The following SLC35F3 variants were observed in gnomAD, a reference collection of about 807,000 sequenced individuals.
SLC35F3 encodes putative thiamine transporter SLC35F3.
In SLC35F3, 25 loss-of-function variants were observed where a neutral mutation model predicts 49.9. The ratio of observed to expected loss-of-function variants is 0.50; its 90% CI spans 0.37 to 0.70. The LOEUF (loss-of-function observed/expected upper bound fraction) is 0.70, where lower values mean the gene tolerates loss of function less well. Ranked by LOEUF, SLC35F3 falls within the 30% of genes least tolerant of loss-of-function variation. The pLI is 0.00. For synonymous variants in SLC35F3, 275 were observed against 265.4 expected (o/e 1.04, Z -0.35); for missense variants, 525 against 639.8 (o/e 0.82, Z 1.94).
At chr1:234,113,574 T>A (rs7521767) in intron 2 of SLC35F3, among the ~76,000 whole-genome samples, 1 of 152,048 alleles carries the variant, frequency 6.6e-6, no homozygotes, top group African/African-American at 2.4e-5. Context: ...AAGATTTCGG[T>A]GACATGTAGG....
chr1:234,136,148 C>T (rs528766442), intron 2 of SLC35F3, among the ~76,000 whole-genome samples: 90 of 152,128 alleles, frequency 5.9e-4, no homozygotes, highest in Non-Finnish European at 1.1e-3. Context: ...TTAGCTTTTC[C>T]CCATAGCACC....
At chr1:234,209,001 T>C (rs1024981448) in intron 2 of SLC35F3, among the ~76,000 whole-genome samples, 6 of 152,154 alleles carry the variant, frequency 3.9e-5, no homozygotes, top group African/African-American at 1.4e-4. Context: ...GGAAGACCTG[T>C]TTAATGAGTA....
chr1:233,981,108 C>T (rs1464064081), intron 2 of SLC35F3, among the ~76,000 whole-genome samples: 1 of 152,146 alleles, frequency 6.6e-6, no homozygotes, highest in Non-Finnish European at 1.5e-5. Flanking sequence ...TTCAGTTTTC[C>T]CCGCTGGTAG....
At chr1:234,293,256 T>C (rs925019554) in intron 3 of SLC35F3, among the ~76,000 whole-genome samples, 2 of 152,186 alleles carry the variant, frequency 1.3e-5, no homozygotes, top group African/African-American at 4.8e-5. Flanking sequence ...AGATGGGAAC[T>C]AGGAAGGCCT....
chr1:234,211,891 C>T (rs1476655825), intron 2 of SLC35F3, among the ~76,000 whole-genome samples: 2 of 152,122 alleles, frequency 1.3e-5, no homozygotes, highest in Admixed American at 1.3e-4. Context: ...TATGGTTTGG[C>T]AGTGTCCCCA....
rs147125251 is a variant in SLC35F3 at position 234,216,369 on chromosome 1, G to A, written c.284-15048G>A. Among the ~76,000 whole-genome samples, 332 of 152,336 alleles carry A rather than the reference G, an allele frequency of 2.2e-3. 4 individuals carry two copies. The highest frequency in any genetic ancestry group is 0.021 in the South Asian group (99 of 4,828). On this transcript the variant is annotated intron_variant, in intron 2 of 7. Coordinates refer to ENST00000366618, the MANE Select transcript of SLC35F3 (RefSeq NM_173508.4). ...CTGCACTGGAAGTGGGGCAGGACGC[G>A]GATGGTGGGGCTACCTGAACTGGGT... is the stretch of plus-strand genomic sequence containing the variant.
chr1:234,198,240 A>G (rs2102933020), intron 2 of SLC35F3, among the ~76,000 whole-genome samples: 1 of 152,350 alleles, frequency 6.6e-6, no homozygotes, highest in East Asian at 1.9e-4. Context: ...TGGATTATGT[A>G]CAGTATTTCT....
At chr1:234,103,921 C>T (rs1465664018) in intron 2 of SLC35F3, among the ~76,000 whole-genome samples, 1 of 152,186 alleles carries the variant, frequency 6.6e-6, no homozygotes, top group Admixed American at 6.5e-5. Flanking sequence ...TTCCCTTAGC[C>T]ATGAGATTAG....
chr1:234,179,918 C>A (rs928592024), intron 2 of SLC35F3, among the ~76,000 whole-genome samples: 1 of 152,144 alleles, frequency 6.6e-6, no homozygotes, highest in African/African-American at 2.4e-5. Flanking sequence ...AAAGCCTTTC[C>A]CCCGACTCTA....
chr1:233,927,283 G>A (rs1248734262), intron 2 of SLC35F3, among the ~76,000 whole-genome samples: 1 of 152,104 alleles, frequency 6.6e-6, no homozygotes, highest in Admixed American at 6.6e-5. Flanking sequence ...GAGTTAGATT[G>A]CTGGATTGAT....
At chr1:234,011,703 GT>G (rs1250402192) in intron 2 of SLC35F3, among the ~76,000 whole-genome samples, 1 of 152,192 alleles carries the variant, frequency 6.6e-6, no homozygotes, top group Non-Finnish European at 1.5e-5. Context: ...TATGCAGACA[GT>G]GGCCCTAGCC....
At chr1:233,984,336 G>A (rs1055751187) in intron 2 of SLC35F3, among the ~76,000 whole-genome samples, 2 of 152,222 alleles carry the variant, frequency 1.3e-5, no homozygotes, top group Admixed American at 6.5e-5. Flanking sequence ...TATGCACACC[G>A]AGGTTTGCAG....
intron 2 of SLC35F3, among the ~76,000 whole-genome samples, chr1:234,091,110 A>G (rs1665037827): frequency 6.6e-6 from 1 of 152,246 alleles, no homozygotes; most frequent in Non-Finnish European, 1.5e-5. Context: ...TACACCCAAT[A>G]CAAAAATAGA....
chr1:234,010,151 C>A (rs1191808564), intron 2 of SLC35F3, among the ~76,000 whole-genome samples: 1 of 152,030 alleles, frequency 6.6e-6, no homozygotes, highest in Non-Finnish European at 1.5e-5. Flanking sequence ...ATTATTAAAG[C>A]AATTGTGGAT....
intron 2 of SLC35F3, among the ~76,000 whole-genome samples, chr1:234,045,814 A>G (rs1664279956): frequency 1.3e-5 from 2 of 151,930 alleles, no homozygotes; most frequent in East Asian, 1.9e-4. Flanking sequence ...ATTTCCATGC[A>G]TATTTTTATG....
chr1:234,130,262 T>G (rs1665714092), intron 2 of SLC35F3, among the ~76,000 whole-genome samples: 1 of 152,120 alleles, frequency 6.6e-6, no homozygotes, highest in East Asian at 1.9e-4. Flanking sequence ...ATATGAAAAT[T>G]TGTTCAACAA....
chr1:234,039,277 A>G (rs1018662700), intron 2 of SLC35F3, among the ~76,000 whole-genome samples: 2 of 152,234 alleles, frequency 1.3e-5, no homozygotes, highest in Non-Finnish European at 2.9e-5. Context: ...CAGACAGGAG[A>G]GTATCCTCGA....
chr1:234,178,054 T>C (rs1666502177), intron 2 of SLC35F3, among the ~76,000 whole-genome samples: 1 of 152,212 alleles, frequency 6.6e-6, no homozygotes, highest in African/African-American at 2.4e-5. Flanking sequence ...TTGAGAATGC[T>C]AAAATGAGAT....
chr1:234,109,694 C>T (rs1665376409), intron 2 of SLC35F3, among the ~76,000 whole-genome samples: 1 of 152,144 alleles, frequency 6.6e-6, no homozygotes, highest in African/African-American at 2.4e-5. Flanking sequence ...AAAGTGAGCT[C>T]GTACTGTCTG....
Sources: allele counts gnomAD v4.1 joint callset (sites outside exome capture counted in the v4.1 genomes callset), GRCh38; gene constraint gnomAD v4.1.1; transcripts MANE v1.5; gene names NCBI Gene and HGNC (gene_info 2026-07-23, HGNC 2026-07-21).